Variants in ADAMTS18 observed in about 807,000 individuals in gnomAD.
The protein encoded by ADAMTS18 is ADAM metallopeptidase with thrombospondin type 1 motif 18.
Under a neutral mutation model 165.9 loss-of-function variants are expected in ADAMTS18, and 157 were observed. That is an observed-to-expected ratio of 0.95 (90% CI 0.83 to 1.08). ADAMTS18 has a LOEUF of 1.08. Among genes scored for constraint, ADAMTS18 ranks in the 50% least tolerant of loss-of-function variants. The probability of loss-of-function intolerance (pLI) is 0.00; values close to 1 mark genes in which losing one functional copy is unlikely to be tolerated. For missense variants in ADAMTS18, 2,040 were observed against 1,534.0 expected (o/e 1.33, Z -5.51); for synonymous variants, 782 against 578.2 (o/e 1.35, Z -5.06).
At chr16:77,413,164 C>T (rs1347364893) in intron 3 of ADAMTS18, among the ~76,000 whole-genome samples, 2 of 152,152 alleles carry the variant, frequency 1.3e-5, no homozygotes, top group Non-Finnish European at 1.5e-5. Context: ...GCACCCACTG[C>T]TATTTCCCTA....
chr16:77,318,070 G>T (rs931177458), intron 16 of ADAMTS18, among the ~76,000 whole-genome samples: 1 of 152,142 alleles, frequency 6.6e-6, no homozygotes, highest in African/African-American at 2.4e-5. Flanking sequence ...ATATAAGATA[G>T]AGGAAAATAA....
intron 3 of ADAMTS18, among the ~76,000 whole-genome samples, chr16:77,402,965 A>G (rs1231494602): frequency 1.3e-5 from 2 of 152,246 alleles, no homozygotes; most frequent in Non-Finnish European, 2.9e-5. Context: ...CAGCAATCAC[A>G]TGGTGATACA....
intron 22 of ADAMTS18, among the ~76,000 whole-genome samples, chr16:77,284,555 T>C (rs1834051): frequency 0.18 from 27,060 of 151,850 alleles, 2,789 homozygotes; most frequent in South Asian, 0.29. Context: ...CCATTAAACA[T>C]TGGGACTTTG....
intron 3 of ADAMTS18, among the ~76,000 whole-genome samples, chr16:77,378,241 C>A (rs1483592028): frequency 1.3e-5 from 2 of 151,516 alleles, no homozygotes; most frequent in South Asian, 4.2e-4. Flanking sequence ...AGGAGAATTG[C>A]ATTAACCTAA....
chr16:77,364,163 G>T (rs371221989), intron 5 of ADAMTS18, 25 bp downstream of exon 5: 109 of 1,613,730 alleles, frequency 6.8e-5, no homozygotes, highest in Non-Finnish European at 8.6e-5. Context: ...TGGAGAGCCA[G>T]AAGGTTTGTG....
chr16:77,373,373 C>T (rs928914322), intron 3 of ADAMTS18, among the ~76,000 whole-genome samples: 1 of 151,176 alleles, frequency 6.6e-6, no homozygotes, highest in African/African-American at 2.4e-5. Context: ...GCAGGACAAT[C>T]GCTTGAACAC....
intron 10 of ADAMTS18, among the ~76,000 whole-genome samples, chr16:77,351,122 C>T (rs957287932): frequency 1.3e-5 from 2 of 152,118 alleles, no homozygotes; most frequent in Non-Finnish European, 2.9e-5. Flanking sequence ...TATTTATGAT[C>T]CTCAGAGGTG....
rs111474746 is a variant in ADAMTS18 at position 77,306,588 on chromosome 16, C to T, written c.2533-6184G>A. Among the ~76,000 whole-genome samples the T allele has an allele frequency of 6.1e-3, 935 of 152,180 alleles. 7 individuals carry two copies. The highest frequency in any genetic ancestry group is 0.019 in the African/African-American group (795 of 41,510). On this transcript the variant is annotated intron_variant, in intron 16 of 22. Coordinates refer to ENST00000282849, the MANE Select transcript of ADAMTS18 (RefSeq NM_199355.4). ...TTCTTCTTCTTCAAGAAGTTGTCCT[C>T]ATTTTACCATAAAGGTTATGGATAA... is the stretch of plus-strand genomic sequence containing the variant.
chr16:77,397,633 C>A (rs548726193), intron 3 of ADAMTS18, among the ~76,000 whole-genome samples: 2 of 151,950 alleles, frequency 1.3e-5, no homozygotes, highest in Non-Finnish European at 1.5e-5. Flanking sequence ...AGGATTTATA[C>A]AAAAAAAGAG....
At chr16:77,393,382 T>TA (rs1422192001) in intron 3 of ADAMTS18, among the ~76,000 whole-genome samples, 1 of 152,190 alleles carries the variant, frequency 6.6e-6, no homozygotes, top group African/African-American at 2.4e-5. Flanking sequence ...CTTACACTGT[T>TA]ACACATGAAC....
intron 3 of ADAMTS18, among the ~76,000 whole-genome samples, chr16:77,384,560 G>C (rs1000648954): frequency 6.6e-6 from 1 of 152,220 alleles, no homozygotes; most frequent in East Asian, 1.9e-4. Context: ...TTGAACTTCT[G>C]TACATTGGGG....
Position 77,326,982 on chromosome 16 carries a change from A to G in ADAMTS18, c.1860-944T>C, listed in dbSNP as rs187332102. On this transcript the variant is annotated intron_variant, in intron 12 of 22. Coordinates refer to ENST00000282849, the MANE Select transcript of ADAMTS18 (RefSeq NM_199355.4). ...CTGTTCCCGCCTTAGTTGGCTTACAAGAATGACCTCCAGCTCTATCCATCT... is the reference window on the plus strand; with the variant it reads ...CTGTTCCCGCCTTAGTTGGCTTACAGGAATGACCTCCAGCTCTATCCATCT... Among the ~76,000 whole-genome samples, 14 of 152,344 alleles carry G rather than the reference A, an allele frequency of 9.2e-5. No homozygotes were observed. The East Asian group carries it at 2.5e-3, about 27-fold the overall frequency.
intron 16 of ADAMTS18, among the ~76,000 whole-genome samples, chr16:77,314,884 C>A: frequency 6.9e-6 from 1 of 144,242 alleles, no homozygotes; most frequent in Non-Finnish European, 1.5e-5. Context: ...TTCAGTTATC[C>A]TCATCATGGC....
intron 3 of ADAMTS18, among the ~76,000 whole-genome samples, chr16:77,385,804 G>C (rs1237732777): frequency 6.6e-6 from 1 of 152,138 alleles, no homozygotes; most frequent in Non-Finnish European, 1.5e-5. Flanking sequence ...GAAACAGCTG[G>C]TCCCAATTTT....
At chr16:77,411,366 G>C (rs980405112) in intron 3 of ADAMTS18, among the ~76,000 whole-genome samples, 1 of 152,110 alleles carries the variant, frequency 6.6e-6, no homozygotes, top group Non-Finnish European at 1.5e-5. Context: ...GGACCACTAG[G>C]GCCATATTGC....
chr16:77,313,998 A>C (rs1034936309), intron 16 of ADAMTS18, among the ~76,000 whole-genome samples: 1 of 152,218 alleles, frequency 6.6e-6, no homozygotes, highest in Non-Finnish European at 1.5e-5. Context: ...GTTGAGCTCC[A>C]AACTATCCTG....
rs576865183 is a variant in ADAMTS18, at chr16:77,358,851, A to G, written c.1322+467T>C. Among the ~76,000 whole-genome samples the G allele has an allele frequency of 2.6e-5, 4 of 152,346 alleles. No homozygotes were observed. The East Asian group carries it at 7.7e-4, about 29-fold the overall frequency. On this transcript the variant is annotated intron_variant, in intron 8 of 22. Transcript: ENST00000282849. Reference sequence around the variant, plus strand: ...TTCTCTATAGCGTTGTCTCCATCATAAAAGGAAGATTTAGTGACACCAATC... The same window carrying G: ...TTCTCTATAGCGTTGTCTCCATCATGAAAGGAAGATTTAGTGACACCAATC...
At chr16:77,300,134 G>T (rs1422102724) in intron 17 of ADAMTS18, 129 bp downstream of exon 17, 30 of 1,109,242 alleles carry the variant, frequency 2.7e-5, no homozygotes, top group Non-Finnish European at 4.0e-5. Flanking sequence ...TTGCTTTTAT[G>T]GTGATGGTTC....
intron 3 of ADAMTS18, among the ~76,000 whole-genome samples, chr16:77,416,111 T>C (rs1780025142): frequency 6.6e-6 from 1 of 150,614 alleles, no homozygotes; most frequent in Non-Finnish European, 1.5e-5. Flanking sequence ...GGTTGGGGAG[T>C]GATGGGAGTG....
Sources: allele counts gnomAD v4.1 joint callset (sites outside exome capture counted in the v4.1 genomes callset), GRCh38; gene constraint gnomAD v4.1.1; transcripts MANE v1.5; gene names NCBI Gene and HGNC (gene_info 2026-07-23, HGNC 2026-07-21).